FCHO2: variants seen among roughly 807,000 people sequenced by gnomAD.
FCHO2 encodes FCH and mu domain containing endocytic adaptor 2.
FCHO2 carries 43 observed loss-of-function variants against 114.1 expected under a neutral mutation model. The observed-to-expected ratio is 0.38, with a 90% CI of 0.30 to 0.49. The LOEUF is 0.49. Ranked by LOEUF, FCHO2 falls within the 20% of genes least tolerant of loss-of-function variation. FCHO2 has a pLI of 0.97. For missense variants in FCHO2, 807 were observed against 950.4 expected (o/e 0.85, Z 1.98); for synonymous variants, 293 against 315.2 (o/e 0.93, Z 0.75).
intron 8 of FCHO2, among the ~76,000 whole-genome samples, chr5:73,034,286 C>T (rs1756383172): frequency 6.6e-6 from 1 of 152,110 alleles, no homozygotes; most frequent in East Asian, 1.9e-4. Context: ...CCATGAACAC[C>T]ACCGAGGATT....
chr5:72,982,160 G>A (rs1184506442), intron 2 of FCHO2, among the ~76,000 whole-genome samples: 1 of 152,108 alleles, frequency 6.6e-6, no homozygotes, highest in Admixed American at 6.6e-5. Context: ...CTTGGCTAGG[G>A]GAGAGAGTTC....
intron 9 of FCHO2, among the ~76,000 whole-genome samples, chr5:73,034,979 T>C (rs1050804262): frequency 3.3e-5 from 5 of 152,244 alleles, no homozygotes; most frequent in African/African-American, 1.2e-4. Context: ...AATAGTTTTC[T>C]TCATTGACAT....
At chr5:72,983,120 T>C (rs1753314671) in intron 2 of FCHO2, among the ~76,000 whole-genome samples, 1 of 151,964 alleles carries the variant, frequency 6.6e-6, no homozygotes, top group African/African-American at 2.4e-5. Context: ...CATCATGTTA[T>C]CCAGGATGGT....
intron 11 of FCHO2, among the ~76,000 whole-genome samples, chr5:73,043,147 G>A (rs1000563278): frequency 2.0e-5 from 3 of 151,900 alleles, no homozygotes; most frequent in Non-Finnish European, 4.4e-5. Context: ...GCCCAGGCTG[G>A]TCTTGACCTC....
At chr5:73,047,365 C>T (rs1757106819) in intron 11 of FCHO2, among the ~76,000 whole-genome samples, 1 of 151,944 alleles carries the variant, frequency 6.6e-6, no homozygotes, top group African/African-American at 2.4e-5. Flanking sequence ...TTGTAGGTAA[C>T]CAACTTTATT....
At position 72,996,243 on chromosome 5, in the gene FCHO2, CA is replaced by C. The variant is rs371371047; in HGVS notation, c.495+5396del. Among the ~76,000 whole-genome samples, 262 of 110,944 alleles carry C rather than the reference CA, an allele frequency of 2.4e-3. 2 individuals carry two copies. Among genetic ancestry groups the C allele is most frequent in the African/African-American group, 5.7e-3 (149 of 25,976 alleles). The allele number at this position is 110,944 out of a possible 152,430, so 72.8% of individuals were successfully genotyped here. A position where few individuals can be genotyped will look rare whatever the true frequency, so the allele number is the denominator to read the frequency against. On this transcript the variant is annotated intron_variant, in intron 5 of 25. Coordinates refer to ENST00000430046, the MANE Select transcript of FCHO2 (RefSeq NM_138782.3). ...GGGCAACAAGAACGAAACTCTGTCTCAAAAAAAAAAAAAAAAATCCTGTTAT... is the reference window on the plus strand; with the variant it reads ...GGGCAACAAGAACGAAACTCTGTCTCAAAAAAAAAAAAAAAATCCTGTTAT...
chr5:73,082,496 T>C (rs1448914137), intron 23 of FCHO2, among the ~76,000 whole-genome samples: 2 of 152,180 alleles, frequency 1.3e-5, no homozygotes, highest in African/African-American at 4.8e-5. Flanking sequence ...AAGGTACTGA[T>C]CCCTATACAC....
chr5:72,990,927 T>G (rs1221187090), intron 5 of FCHO2, 63 bp downstream of exon 5: 2 of 1,479,432 alleles, frequency 1.4e-6, no homozygotes, highest in Non-Finnish European at 1.8e-6. Flanking sequence ...AAATTGCATT[T>G]AACATTTAGA....
At chr5:73,035,379 A>G (rs1471877601) in intron 9 of FCHO2, among the ~76,000 whole-genome samples, 2 of 152,046 alleles carry the variant, frequency 1.3e-5, no homozygotes, top group African/African-American at 4.8e-5. Context: ...TGATTGTACC[A>G]CTGCACTCCA....
chr5:73,065,325 C>T (rs1323094139), intron 18 of FCHO2, among the ~76,000 whole-genome samples: 1 of 151,444 alleles, frequency 6.6e-6, no homozygotes, highest in Non-Finnish European at 1.5e-5. Context: ...AGTAAATGAT[C>T]GTGTTATAAA....
chr5:72,984,234 A>G (rs1009767075), intron 2 of FCHO2, among the ~76,000 whole-genome samples: 1 of 152,184 alleles, frequency 6.6e-6, no homozygotes, highest in Non-Finnish European at 1.5e-5. Context: ...TCTAAACACA[A>G]TTTGGTGGGA....
Position 73,019,768 on chromosome 5 carries a change from A to C in FCHO2, c.796+2460A>C, listed in dbSNP as rs376048593. Reference sequence around the variant, plus strand: ...GATAAAAAGCCATGAAAAAGTCCCCAGGCATATTGCCAGAGCAGTCATTCT... The same window carrying C: ...GATAAAAAGCCATGAAAAAGTCCCCCGGCATATTGCCAGAGCAGTCATTCT... On this transcript the variant is annotated intron_variant, in intron 8 of 25. Coordinates refer to ENST00000430046, the MANE Select transcript of FCHO2 (RefSeq NM_138782.3). Among the ~76,000 whole-genome samples, 134 of 152,340 alleles carry C rather than the reference A, an allele frequency of 8.8e-4. 1 individual carries two copies. Among genetic ancestry groups the C allele is most frequent in the African/African-American group, 3.1e-3 (130 of 41,576 alleles).
chr5:73,011,697 G>A (rs1755023225), intron 6 of FCHO2, among the ~76,000 whole-genome samples: 1 of 152,020 alleles, frequency 6.6e-6, no homozygotes, highest in African/African-American at 2.4e-5. Flanking sequence ...GATCACTTGA[G>A]GTCACGAGTT....
At chr5:73,025,086 G>A (rs943887850) in intron 8 of FCHO2, among the ~76,000 whole-genome samples, 9 of 152,174 alleles carry the variant, frequency 5.9e-5, no homozygotes, top group South Asian at 2.1e-4. Flanking sequence ...ATAGAACTAG[G>A]ACTTTTAAAC....
At chr5:73,035,866 C>T (rs546876586) in intron 9 of FCHO2, among the ~76,000 whole-genome samples, 80 of 151,928 alleles carry the variant, frequency 5.3e-4, no homozygotes, top group Non-Finnish European at 9.3e-4. Flanking sequence ...TTTTTTGAGA[C>T]GGGGTCTTGC....
intron 2 of FCHO2, among the ~76,000 whole-genome samples, chr5:72,974,670 G>C (rs1055625410): frequency 6.6e-6 from 1 of 152,090 alleles, no homozygotes; most frequent in African/African-American, 2.4e-5. Context: ...TTGCCAGTCT[G>C]TGTCTTTTAA....
At chr5:72,972,333 G>A (rs1271486042) in intron 2 of FCHO2, among the ~76,000 whole-genome samples, 1 of 151,644 alleles carries the variant, frequency 6.6e-6, no homozygotes, top group Non-Finnish European at 1.5e-5. Context: ...CTACCCATGA[G>A]CATGGAATGT....
intron 18 of FCHO2, among the ~76,000 whole-genome samples, chr5:73,067,656 A>G (rs978727095): frequency 2.6e-5 from 4 of 152,034 alleles, no homozygotes; most frequent in Admixed American, 1.3e-4. Flanking sequence ...AACTGAGGAC[A>G]GTTATCTTTC....
intron 8 of FCHO2, among the ~76,000 whole-genome samples, chr5:73,024,009 G>A (rs1447671943): frequency 6.6e-6 from 1 of 151,952 alleles, no homozygotes; most frequent in Non-Finnish European, 1.5e-5. Context: ...TAAGCTCACT[G>A]CTTGATTCCT....
Sources: gnomAD v4.1 joint callset for allele counts (sites outside exome capture counted in the v4.1 genomes callset) on GRCh38, gnomAD v4.1.1 for gene constraint, MANE v1.5 for transcripts, NCBI Gene and HGNC (gene_info 2026-07-23, HGNC 2026-07-21) for gene names.